Variants in COL24A1 observed in about 807,000 individuals in gnomAD.
COL24A1 encodes the protein collagen alpha-1(XXIV) chain.
COL24A1 carries 224 observed loss-of-function variants against 253.9 expected under a neutral mutation model. The ratio of observed to expected loss-of-function variants is 0.88; its 90% CI spans 0.79 to 0.99. The LOEUF is 0.99. COL24A1 is among the 50% of genes least tolerant of loss of function. The probability of loss-of-function intolerance (pLI) is 0.00; values close to 1 mark genes in which losing one functional copy is unlikely to be tolerated. For synonymous variants in COL24A1, 685 were observed against 673.7 expected, an observed-to-expected ratio of 1.02 and a Z score of -0.26; for missense variants, 2,131 against 2,068.5, an observed-to-expected ratio of 1.03 and a Z score of -0.59.
chr1:85,782,835 C>CT (rs1057412395), intron 51 of COL24A1, among the ~76,000 whole-genome samples: 5 of 151,986 alleles, frequency 3.3e-5, no homozygotes, highest in Admixed American at 2.0e-4. Flanking sequence ...TTTTTTTCAG[C>CT]TTTTTTTCAG....
At chr1:85,798,647 A>G (rs1671081301) in intron 47 of COL24A1, among the ~76,000 whole-genome samples, 1 of 152,186 alleles carries the variant, frequency 6.6e-6, no homozygotes, top group African/African-American at 2.4e-5. Flanking sequence ...GTCCTACTAC[A>G]AAGGTGCTGA....
intron 37 of COL24A1, among the ~76,000 whole-genome samples, chr1:85,865,993 C>T (rs769389535): frequency 1.3e-5 from 2 of 152,154 alleles, no homozygotes; most frequent in Non-Finnish European, 2.9e-5. Context: ...CTGGGTGTAG[C>T]GGCTCATGCC....
intron 20 of COL24A1, among the ~76,000 whole-genome samples, chr1:85,972,822 CA>C (rs1285951802): frequency 1.3e-5 from 2 of 150,822 alleles, no homozygotes; most frequent in Non-Finnish European, 3.0e-5. Flanking sequence ...CTGGGAATAG[CA>C]TTAAGAATGA....
chr1:85,857,591 C>T (rs1008094250), intron 37 of COL24A1, among the ~76,000 whole-genome samples: 11 of 152,020 alleles, frequency 7.2e-5, no homozygotes, highest in Non-Finnish European at 1.2e-4. Context: ...CAAATAACAC[C>T]TGCATCAATA....
intron 53 of COL24A1, among the ~76,000 whole-genome samples, chr1:85,771,952 C>A (rs1256679742): frequency 7.0e-6 from 1 of 143,520 alleles, no homozygotes; most frequent in Non-Finnish European, 1.5e-5. Context: ...CTCCCCCGTA[C>A]CCCCACCCCA....
At chr1:85,987,456 A>G (rs1693816458) in intron 20 of COL24A1, 145 bp downstream of exon 20, 4 of 731,914 alleles carry the variant, frequency 5.5e-6, no homozygotes, top group Non-Finnish European at 9.0e-6. Context: ...ACTATCTGAA[A>G]CCTAAAGTTT....
intron 24 of COL24A1, among the ~76,000 whole-genome samples, chr1:85,944,803 G>A (rs1329808460): frequency 1.3e-5 from 2 of 151,342 alleles, no homozygotes; most frequent in Non-Finnish European, 2.9e-5. Context: ...CTGTGTCCAT[G>A]TGTTCTCATT....
At chr1:85,823,120 C>T (rs1050931777) in intron 45 of COL24A1, among the ~76,000 whole-genome samples, 35 of 152,224 alleles carry the variant, frequency 2.3e-4, no homozygotes, top group African/African-American at 8.4e-4. Flanking sequence ...CAAAGTCTTC[C>T]TTACCATGCT....
In COL24A1 at chr1:85,828,922, C is replaced by T. The variant is rs891518023; in HGVS notation, c.3682-5184G>A. Among the ~76,000 whole-genome samples, 1,469 of 150,218 alleles carry T rather than the reference C, an allele frequency of 9.8e-3. 12 individuals are homozygous for T. The highest frequency in any genetic ancestry group is 0.034 in the African/African-American group (1,388 of 40,946). ...TTAATTGGAGCATTTAGTCCATTTA[C>T]ATTTAAAGTTAATATTGTTATGTGT... On this transcript the variant is annotated intron_variant, in intron 43 of 59. Transcript: ENST00000370571.
intron 5 of COL24A1, among the ~76,000 whole-genome samples, chr1:86,104,528 A>G (rs12093594): frequency 0.048 from 7,275 of 152,210 alleles, 205 homozygotes; most frequent in Non-Finnish European, 0.062. Context: ...AGTCTTTGAA[A>G]TTGATGTCCT....
At chr1:85,875,760 C>T (rs74097607) in intron 33 of COL24A1, among the ~76,000 whole-genome samples, 2,811 of 140,784 alleles carry the variant, frequency 0.02, 85 homozygotes, top group African/African-American at 0.07. Context: ...CACACACACA[C>T]ACACACAGAG....
chr1:86,045,553 A>G (rs1483510617), intron 12 of COL24A1, among the ~76,000 whole-genome samples: 1 of 152,100 alleles, frequency 6.6e-6, no homozygotes, highest in African/African-American at 2.4e-5. Flanking sequence ...TATGAGAGCT[A>G]AAACATAAAA....
chr1:85,857,127 G>A (rs866924653), intron 37 of COL24A1, among the ~76,000 whole-genome samples: 5 of 152,232 alleles, frequency 3.3e-5, no homozygotes, highest in Middle Eastern at 3.4e-3. Context: ...TTTGGAATTT[G>A]AAAGGTATCT....
At chr1:85,951,776 T>C (rs947292571) in intron 24 of COL24A1, among the ~76,000 whole-genome samples, 10 of 152,190 alleles carry the variant, frequency 6.6e-5, no homozygotes, top group African/African-American at 1.9e-4. Flanking sequence ...CAGAAAAACA[T>C]AGATTCCAAA....
At chr1:85,811,429 G>A (rs138553450) in intron 47 of COL24A1, among the ~76,000 whole-genome samples, 2,844 of 151,806 alleles carry the variant, frequency 0.019, 41 homozygotes, top group Non-Finnish European at 0.029. Flanking sequence ...CATTCCTGCC[G>A]TCAGTTCTTT....
chr1:85,776,562 T>C (rs1668564756), intron 52 of COL24A1, among the ~76,000 whole-genome samples: 1 of 152,036 alleles, frequency 6.6e-6, no homozygotes, highest in Non-Finnish European at 1.5e-5. Context: ...ATATGAATGC[T>C]CTTCCATGTC....
chr1:85,955,196 T>C (rs1005319965), intron 24 of COL24A1, among the ~76,000 whole-genome samples: 2 of 152,146 alleles, frequency 1.3e-5, no homozygotes, highest in African/African-American at 2.4e-5. Context: ...TGGAATTCAG[T>C]TGGTGTAGTT....
At chr1:86,002,861 C>T (rs975631993) in intron 19 of COL24A1, among the ~76,000 whole-genome samples, 1 of 152,108 alleles carries the variant, frequency 6.6e-6, no homozygotes, top group African/African-American at 2.4e-5. Flanking sequence ...GAAAGGCACA[C>T]CTTTTGGGGT....
Position 86,045,348 on chromosome 1 carries a change from C to T in COL24A1, c.1950+1477G>A, listed in dbSNP as rs118087550. On this transcript the variant is annotated intron_variant, in intron 12 of 59. Transcript: ENST00000370571. Reference sequence around the variant, plus strand: ...AGCATTTTAAGCATTGGAAGTAATTCGTGTATTATGGCAGATGATTTTATT... The same window carrying T: ...AGCATTTTAAGCATTGGAAGTAATTTGTGTATTATGGCAGATGATTTTATT... Among the ~76,000 whole-genome samples, 375 of 152,122 alleles carry T rather than the reference C, an allele frequency of 2.5e-3. 10 individuals carry two copies. The East Asian group carries it at 0.046, about 19-fold the overall frequency.
Sources: gnomAD v4.1 joint callset for allele counts (sites outside exome capture counted in the v4.1 genomes callset) on GRCh38, gnomAD v4.1.1 for gene constraint, MANE v1.5 for transcripts, NCBI Gene and HGNC (gene_info 2026-07-23, HGNC 2026-07-21) for gene names.